TBC1D5: variants seen among roughly 807,000 people sequenced by gnomAD.
The protein encoded by TBC1D5 is TBC1 domain family, member 5.
A neutral mutation model predicts 100.3 loss-of-function variants in TBC1D5; 75 were observed. The ratio of observed to expected loss-of-function variants is 0.75; its 90% CI spans 0.62 to 0.91. The LOEUF is 0.91. Ranked by LOEUF, TBC1D5 falls within the 40% of genes least tolerant of loss-of-function variation. The pLI is 0.00. For synonymous variants in TBC1D5, 323 were observed against 325.6 expected (o/e 0.99, Z 0.09); for missense variants, 910 against 942.4 (o/e 0.97, Z 0.45).
intron 1 of TBC1D5, among the ~76,000 whole-genome samples, chr3:17,683,932 G>A (rs1330045071): frequency 6.6e-6 from 1 of 152,074 alleles, no homozygotes. Context: ...GATGTCATAA[G>A]AAAATTTCAC....
At chr3:17,578,636 G>A (rs573167512) in intron 2 of TBC1D5, among the ~76,000 whole-genome samples, 38 of 151,900 alleles carry the variant, frequency 2.5e-4, no homozygotes, top group Admixed American at 7.2e-4. Context: ...TCTTGAACTT[G>A]AGCTGACAAT....
intron 3 of TBC1D5, among the ~76,000 whole-genome samples, chr3:17,500,253 T>C (rs567947620): frequency 5.4e-5 from 8 of 149,344 alleles, no homozygotes; most frequent in African/African-American, 2.0e-4. Flanking sequence ...TAATAAGATA[T>C]GGACAACTCA....
At chr3:17,531,291 T>C (rs1037929663) in intron 2 of TBC1D5, among the ~76,000 whole-genome samples, 3 of 152,202 alleles carry the variant, frequency 2.0e-5, no homozygotes, top group African/African-American at 2.4e-5. Flanking sequence ...TGTGAAGGAC[T>C]TCTTCAAGGA....
intron 3 of TBC1D5, among the ~76,000 whole-genome samples, chr3:17,473,870 C>G (rs539250576): frequency 6.6e-6 from 1 of 151,258 alleles, no homozygotes; most frequent in South Asian, 2.1e-4. Context: ...TTCTGCTTTC[C>G]TCATTAGTTT....
At chr3:17,430,036 A>G (rs9854201) in intron 3 of TBC1D5, among the ~76,000 whole-genome samples, 61,500 of 151,510 alleles carry the variant, frequency 0.41, 13,165 homozygotes, top group Middle Eastern at 0.47. Flanking sequence ...CTAGCTAGGT[A>G]TAAGTTGCTA....
chr3:17,363,944 C>T (rs1175600860), intron 13 of TBC1D5, among the ~76,000 whole-genome samples: 2 of 151,034 alleles, frequency 1.3e-5, no homozygotes, highest in East Asian at 1.9e-4. Flanking sequence ...GAAAAATTTA[C>T]ATTGAATTTT....
Position 17,189,591 on chromosome 3 carries a change from A to G in TBC1D5, c.1753-4383T>C, listed in dbSNP as rs113274896. On this transcript the variant is annotated intron_variant, in intron 18 of 21. Coordinates refer to ENST00000253692, the Ensembl canonical transcript of TBC1D5. The stretch of plus-strand genomic sequence containing the variant: ...TATTAACATGTTTACTCTTCACACA[A>G]ACTTCTGAGGTATATTCTCTCATTA... Among the ~76,000 whole-genome samples, 888 of 152,278 alleles carry G rather than the reference A, an allele frequency of 5.8e-3. 6 individuals are homozygous for G. Among genetic ancestry groups the G allele is most frequent in the Admixed American group, 0.013 (206 of 15,304 alleles).
intron 1 of TBC1D5, among the ~76,000 whole-genome samples, chr3:17,634,617 C>A (rs1296657200): frequency 1.5e-5 from 2 of 132,100 alleles, no homozygotes; most frequent in South Asian, 4.9e-4. Context: ...GTGGGGATGG[C>A]TAATAGGGTA....
intron 13 of TBC1D5, among the ~76,000 whole-genome samples, chr3:17,324,728 A>C (rs2085873724): frequency 6.6e-6 from 1 of 152,252 alleles, no homozygotes; most frequent in African/African-American, 2.4e-5. Context: ...CATTTCTTGA[A>C]TATACAAAGA....
chr3:17,538,269 T>A (rs937482271), intron 2 of TBC1D5, among the ~76,000 whole-genome samples: 23 of 151,802 alleles, frequency 1.5e-4, no homozygotes, highest in African/African-American at 5.1e-4. Flanking sequence ...TCCTAACAGA[T>A]AGAAAACACT....
chr3:17,707,085 A>G (rs901171925), intron 1 of TBC1D5, among the ~76,000 whole-genome samples: 4 of 152,174 alleles, frequency 2.6e-5, no homozygotes, highest in African/African-American at 9.6e-5. Context: ...CTTCTATACA[A>G]TTATAAATGT....
At chr3:17,213,272 A>G (rs2073200147) in intron 18 of TBC1D5, among the ~76,000 whole-genome samples, 1 of 152,244 alleles carries the variant, frequency 6.6e-6, no homozygotes, top group South Asian at 2.1e-4. Context: ...TGTAGTTTGT[A>G]TAAGTACACT....
intron 14 of TBC1D5, among the ~76,000 whole-genome samples, chr3:17,296,356 G>A (rs1182897469): frequency 6.6e-6 from 1 of 152,172 alleles, no homozygotes; most frequent in Admixed American, 6.5e-5. Flanking sequence ...TTCAATAAAT[G>A]TAATGCTCTC....
chr3:17,726,821 A>G (rs2076164873), intron 1 of TBC1D5, among the ~76,000 whole-genome samples: 1 of 152,162 alleles, frequency 6.6e-6, no homozygotes, highest in African/African-American at 2.4e-5. Flanking sequence ...TTTCTATTTC[A>G]AAAGGTTTCA....
At chr3:17,523,721 AGCAGTTT>A (rs2096091285) in intron 2 of TBC1D5, among the ~76,000 whole-genome samples, 1 of 152,218 alleles carries the variant, frequency 6.6e-6, no homozygotes, top group Non-Finnish European at 1.5e-5. Flanking sequence ...ACATTTAAAT[AGCAGTTT>A]GCAGTTTACA....
At chr3:17,243,307 C>G (rs2076458407) in intron 16 of TBC1D5, among the ~76,000 whole-genome samples, 1 of 152,006 alleles carries the variant, frequency 6.6e-6, no homozygotes, top group Non-Finnish European at 1.5e-5. Flanking sequence ...AAAATATGTG[C>G]TTATTGAATT....
intron 3 of TBC1D5, among the ~76,000 whole-genome samples, chr3:17,486,780 A>G (rs1360501433): frequency 2.6e-5 from 4 of 152,192 alleles, no homozygotes; most frequent in Admixed American, 2.6e-4. Context: ...GTGGCAGCTT[A>G]TATTCCTAGT....
chr3:17,425,851 TTAA>T (rs2094322937), intron 4 of TBC1D5, among the ~76,000 whole-genome samples: 1 of 152,160 alleles, frequency 6.6e-6, no homozygotes, highest in South Asian at 2.1e-4. Flanking sequence ...CACAAAAGAA[TTAA>T]TACTATGACT....
At chr3:17,547,102 A>T (rs1190283166) in intron 2 of TBC1D5, 1 of 152,150 alleles carries the variant, frequency 6.6e-6, no homozygotes, top group Admixed American at 6.6e-5. Flanking sequence ...CAAAACAAAA[A>T]CAGTAGGAAT....
Sources: gnomAD v4.1 joint callset for allele counts (sites outside exome capture counted in the v4.1 genomes callset) on GRCh38, gnomAD v4.1.1 for gene constraint, MANE v1.5 for transcripts, NCBI Gene and HGNC (gene_info 2026-07-23, HGNC 2026-07-21) for gene names.